The following CACNA1B variants were observed in gnomAD, a reference collection of about 807,000 sequenced individuals.
CACNA1B encodes the protein voltage-dependent N-type calcium channel subunit alpha-1B.
CACNA1B carries 70 observed loss-of-function variants against 247.2 expected under a neutral mutation model. The observed-to-expected ratio is 0.28, with a 90% confidence interval of 0.23 to 0.35. The LOEUF is 0.35. Ranked by LOEUF, CACNA1B falls within the 10% of genes least tolerant of loss-of-function variation. The pLI is 1.00. For synonymous variants in CACNA1B, 1,231 were observed against 1,294.4 expected (o/e 0.95, Z 1.05); for missense variants, 2,367 against 3,197.4 (o/e 0.74, Z 6.26).
chr9:138,112,124 T>TGCATGCACACGC (rs1554760244), intron 39 of CACNA1B, among the ~76,000 whole-genome samples: 1 of 151,446 alleles, frequency 6.6e-6, no homozygotes, highest in Non-Finnish European at 1.5e-5. Context: ...GCAGTGCACA[T>TGCATGCACACGC]GCATGCACAC....
intron 15 of CACNA1B, 131 bp from the exon 16 acceptor site, chr9:138,006,636 C>T: frequency 1.5e-6 from 1 of 651,302 alleles, no homozygotes; most frequent in Non-Finnish European, 2.9e-6. Flanking sequence ...ATCTAAAGAC[C>T]TGGATGTGCA....
chr9:138,043,471 A>T (rs572672579), intron 20 of CACNA1B, among the ~76,000 whole-genome samples: 27 of 152,182 alleles, frequency 1.8e-4, no homozygotes, highest in African/African-American at 6.5e-4. Flanking sequence ...TTCTCAGCGC[A>T]TCGAGGCCCC....
chr9:137,903,627 C>T (rs923768513), intron 3 of CACNA1B, among the ~76,000 whole-genome samples: 13 of 152,080 alleles, frequency 8.5e-5, no homozygotes, highest in Admixed American at 2.0e-4. Flanking sequence ...CCAATAACCC[C>T]GCTGGGATTT....
At chr9:137,905,105 A>T (rs1054947565) in intron 3 of CACNA1B, among the ~76,000 whole-genome samples, 1 of 152,200 alleles carries the variant, frequency 6.6e-6, no homozygotes, top group African/African-American at 2.4e-5. Context: ...CTGTAATCCC[A>T]GCACTTTGGG....
In CACNA1B at chr9:138,023,436, G is replaced by A; in HGVS notation, c.2693G>A (p.Gly898Glu). The change falls in exon 19 of 47, where the codon GGG becomes GAG. Residue 898 changes from glycine to glutamate, a missense_variant. Physicochemically the swap from Gly to Glu is moderately conservative, Grantham distance 98. This residue lies in a region of CACNA1B where 631 missense variants were observed against 631.1 expected (regional missense o/e 1.00). Transcript: ENST00000371372. ...CGCAGCCACAGCAAGGAGGCCGCGG[G>A]GCCCCCGGAGGCGCGGAGCGAGCGC... ...PHRSHSKEAA[G>E]PPEARSERGR... 8.0e-7 allele frequency: 1 copy of A among 1,254,594 alleles called. No homozygotes were observed. The highest frequency in any genetic ancestry group is 1.0e-6 in the Non-Finnish European group (1 of 1,003,102). 77.7% of individuals were successfully genotyped at this position (1,254,594 alleles called of 1,614,324 possible). A position where few individuals can be genotyped will look rare whatever the true frequency, so the allele number is the denominator to read the frequency against.
chr9:138,025,143 G>A lies in CACNA1B; in HGVS notation c.3257G>A (p.Gly1086Asp). 6.2e-7 allele frequency: 1 copy of A among 1,612,290 alleles called. No homozygotes were observed. The highest frequency in any genetic ancestry group is 8.5e-7 in the Non-Finnish European group (1 of 1,179,140). ...GTACATATCCCAGTGATGCTGACGG[G>A]CCCTCTTGGGGAAGCCACGGTCGTT... ...TIVHIPVMLT[G>D]PLGEATVVPS... Residue 1086 changes from glycine (G) to aspartate (D), a missense_variant, in exon 20 of 47, where the codon GGC (glycine) becomes GAC (aspartate). Gly to Asp is a moderately conservative substitution (Grantham distance 94, BLOSUM62 -1). Around this residue, in one of 12 missense-constraint regions of CACNA1B, gnomAD observed 631 missense variants for 631.1 expected, o/e 1.00. Coordinates refer to ENST00000371372, the MANE Select transcript of CACNA1B (RefSeq NM_000718.4).
chr9:137,967,368 C>T (rs1958091986), intron 10 of CACNA1B, among the ~76,000 whole-genome samples: 4 of 152,188 alleles, frequency 2.6e-5, no homozygotes, highest in Admixed American at 2.0e-4. Context: ...GTTCACTTTT[C>T]ATTCTTGACT....
At chr9:138,099,205 T>C (rs1961160472) in intron 37 of CACNA1B, among the ~76,000 whole-genome samples, 1 of 152,268 alleles carries the variant, frequency 6.6e-6, no homozygotes, top group South Asian at 2.1e-4. Flanking sequence ...ATGTGCACTC[T>C]GTGCATGTGT....
rs1165910706 is a variant in CACNA1B at position 138,072,590 on chromosome 9, C to T, written c.4675-898C>T. 6.6e-6 allele frequency among the ~76,000 whole-genome samples: 1 copy of T among 152,214 alleles called. No individual in the cohort carries two copies. Among genetic ancestry groups the T allele is most frequent in the Non-Finnish European group, 1.5e-5 (1 of 68,044 alleles). ...GCTGCTCTCAGGCTGTGTGTGGGCACCTGACCTCTAGGTAGACAGAGGGCA... is the reference window on the plus strand; with the variant it reads ...GCTGCTCTCAGGCTGTGTGTGGGCATCTGACCTCTAGGTAGACAGAGGGCA... On this transcript the variant is annotated intron_variant, in intron 32 of 46. Transcript: ENST00000371372. This position sits in a 1 kb window ranked among gnomAD's most constrained non-coding sequence, Gnocchi z 4.5.
At chr9:137,999,109 C>G (rs1206163095) in intron 15 of CACNA1B, among the ~76,000 whole-genome samples, 1 of 152,134 alleles carries the variant, frequency 6.6e-6, no homozygotes, top group Non-Finnish European at 1.5e-5. Context: ...GAATTCAAGA[C>G]CAGCCTGGCG....
chr9:138,029,516 A>T (rs907919866), intron 20 of CACNA1B, among the ~76,000 whole-genome samples: 12 of 152,070 alleles, frequency 7.9e-5, no homozygotes, highest in African/African-American at 2.7e-4. Flanking sequence ...ACATAGCCTT[A>T]AGAGTGGCTT....
chr9:137,941,214 G>T (rs1292272591), intron 6 of CACNA1B, among the ~76,000 whole-genome samples: 1 of 152,168 alleles, frequency 6.6e-6, no homozygotes, highest in Non-Finnish European at 1.5e-5. Context: ...AAAGAATTCA[G>T]CAAAGTTTCC....
intron 3 of CACNA1B, chr9:137,892,079 C>G (rs781634045): frequency 2.2e-5 from 10 of 457,308 alleles, no homozygotes; most frequent in South Asian, 1.5e-4. Context: ...AGGCTGGCCT[C>G]TCTTTGCCCT....
At chr9:137,978,608 G>T (rs917164544) in intron 12 of CACNA1B, among the ~76,000 whole-genome samples, 2 of 152,216 alleles carry the variant, frequency 1.3e-5, no homozygotes, top group African/African-American at 4.8e-5. Context: ...AGCCAGAGAG[G>T]GGCCTGGACC....
At chr9:138,097,076 G>A (rs1961080221) in intron 37 of CACNA1B, among the ~76,000 whole-genome samples, 1 of 151,884 alleles carries the variant, frequency 6.6e-6, no homozygotes, top group South Asian at 2.1e-4. Flanking sequence ...AGGGGCTCAG[G>A]AGTCTCCCTC....
At chr9:137,895,588 T>C (rs2133250800) in intron 3 of CACNA1B, among the ~76,000 whole-genome samples, 1 of 152,350 alleles carries the variant, frequency 6.6e-6, no homozygotes, top group Admixed American at 6.5e-5. Context: ...TCTAAGTATT[T>C]CTTTTATTTT....
At chr9:137,976,429 C>T (rs561718147) in intron 12 of CACNA1B, among the ~76,000 whole-genome samples, 4 of 152,334 alleles carry the variant, frequency 2.6e-5, no homozygotes, top group East Asian at 3.9e-4. Flanking sequence ...GGTTGGGGCA[C>T]GATAGGCCAT....
At chr9:138,104,132 A>G (rs1341849945) in intron 38 of CACNA1B, among the ~76,000 whole-genome samples, 2 of 152,250 alleles carry the variant, frequency 1.3e-5, no homozygotes, top group Admixed American at 6.5e-5. Flanking sequence ...GGGTGGGGGC[A>G]GAAGGGCCAG....
chr9:137,916,135 C>T (rs1957408261), intron 5 of CACNA1B, among the ~76,000 whole-genome samples: 1 of 150,522 alleles, frequency 6.6e-6, no homozygotes, highest in South Asian at 2.1e-4. Flanking sequence ...CAGGTTCTAG[C>T]AATTCTCCTG....
Sources: gnomAD v4.1 joint callset for allele counts (sites outside exome capture counted in the v4.1 genomes callset) on GRCh38, gnomAD v4.1.1 for gene constraint, gnomAD v4.1.1 regional missense constraint, Gnocchi (gnomAD v3.1) non-coding constraint, MANE v1.5 for transcripts, NCBI Gene and HGNC (gene_info 2026-07-23, HGNC 2026-07-21) for gene names.